Variants in NOX1 observed in about 807,000 individuals in gnomAD.
The protein encoded by NOX1 is NADH/NADPH mitogenic oxidase subunit P65-MOX.
NOX1 carries 34 observed loss-of-function variants against 42.5 expected under a neutral mutation model. That is an observed-to-expected ratio of 0.80 (90% CI 0.61 to 1.07). NOX1 has a LOEUF of 1.07. Among genes scored for constraint, NOX1 ranks in the 50% least tolerant of loss-of-function variants. NOX1 has a pLI of 0.00. For missense variants in NOX1, 408 were observed against 427.0 expected, an observed-to-expected ratio of 0.96 and a Z score of 0.39; for synonymous variants, 143 against 152.5, an observed-to-expected ratio of 0.94 and a Z score of 0.46.
intron 7 of NOX1, 21 bp downstream of exon 7, chrX:100,862,150 C>T (rs111248251): frequency 1.6e-5 from 19 of 1,207,803 alleles, no homozygotes; most frequent in African/African-American, 1.2e-4. Context: ...AAGAGTCTGT[C>T]CTTGCCCGTA....
intron 7 of NOX1, among the ~76,000 whole-genome samples, chrX:100,853,785 C>T (rs752922188): frequency 9.0e-6 from 1 of 111,465 alleles, no homozygotes; most frequent in Non-Finnish European, 1.9e-5. Context: ...ATCCACCTGC[C>T]TCAGCCTCCC....
chrX:100,848,727 T>C lies in NOX1; in HGVS notation c.1471A>G (p.Lys491Glu). The C allele has an allele frequency of 8.3e-7, 1 of 1,211,326 alleles. No homozygotes were observed. Among genetic ancestry groups the C allele is most frequent in the Non-Finnish European group, 1.1e-6 (1 of 895,006 alleles). Residue 491 changes from lysine to glutamate, a missense_variant, in exon 12 of 13, where the codon AAG (lysine) becomes GAG (glutamate). By Grantham distance (56) the Lys-to-Glu change is moderately conservative (BLOSUM62 1). Transcript: ENST00000372966. Reference protein sequence around the residue: ...IVGHAALNFDKATDIVTGLKQ... With the variant: ...IVGHAALNFDEATDIVTGLKQ... Reference sequence around the variant, plus strand: ...AGACCTGTCACGATGTCAGTGGCCTTGTCAAAGTTTAATGCTGCATGACCA... The same window carrying C: ...AGACCTGTCACGATGTCAGTGGCCTCGTCAAAGTTTAATGCTGCATGACCA...
chrX:100,860,079 A>G (rs2085193932), intron 7 of NOX1, among the ~76,000 whole-genome samples: 1 of 110,493 alleles, frequency 9.1e-6, no homozygotes, highest in Non-Finnish European at 1.9e-5. Context: ...TTCAATGCAA[A>G]TGATAGGAGA....
At chrX:100,849,723 T>C (rs746768190) in intron 10 of NOX1, 49 bp downstream of exon 10, 1 of 1,133,024 alleles carries the variant, frequency 8.8e-7, no homozygotes, top group African/African-American at 1.8e-5. Flanking sequence ...AAGAAGGCAA[T>C]AGACTTGTCA....
chrX:100,853,913 C>A (rs764296212), intron 7 of NOX1, among the ~76,000 whole-genome samples: 5 of 112,193 alleles, frequency 4.5e-5, no homozygotes, highest in Non-Finnish European at 9.4e-5. Flanking sequence ...GAAGCCAAGG[C>A]AGGTGGATCA....
At chrX:100,855,758 A>G (rs2085162621) in intron 7 of NOX1, 14 of 1,038,374 alleles carry the variant, frequency 1.3e-5, no homozygotes, top group Non-Finnish European at 1.9e-5. Context: ...CTCCACAACC[A>G]AAGTTTTCAT....
chrX:100,857,996 C>T (rs2085178979), intron 7 of NOX1, among the ~76,000 whole-genome samples: 1 of 111,477 alleles, frequency 9.0e-6, no homozygotes, highest in Non-Finnish European at 1.9e-5. Context: ...TTGCCAGGGC[C>T]TATGTCCTGA....
chrX:100,870,744 T>C lies in NOX1; in HGVS notation c.116A>G (p.Tyr39Cys). 5 of 1,189,328 alleles carry C rather than the reference T, an allele frequency of 4.2e-6. No individual in the cohort carries two copies. Among genetic ancestry groups the C allele is most frequent in the Non-Finnish European group, 5.7e-6 (5 of 876,114 alleles). The change falls in exon 2 of 13, where the codon TAC becomes TGC. Residue 39 changes from tyrosine (Y) to cysteine (C), a missense_variant. Tyr to Cys is a radical substitution (Grantham distance 194, BLOSUM62 -2). Coordinates refer to ENST00000372966, the MANE Select transcript of NOX1 (RefSeq NM_007052.5). ...CCCAAGGATTTTTCTTGTGTAGTAG[T>C]ATTTGTCGGCCTTCTCATATTTCAG... The part of the protein sequence containing the change: ...AFLKYEKADK[Y>C]YYTRKILGST...
intron 1 of NOX1, among the ~76,000 whole-genome samples, chrX:100,873,779 G>A (rs1180029389): frequency 9.0e-6 from 1 of 111,506 alleles, no homozygotes; most frequent in African/African-American, 3.3e-5. Context: ...ATCTTGATGG[G>A]ACCAGTATAG....
intron 7 of NOX1, chrX:100,856,482 C>T (rs760086201): frequency 4.1e-5 from 15 of 370,071 alleles, no homozygotes; most frequent in Admixed American, 1.5e-4. Context: ...TCTACTAGTC[C>T]GCTAATACAG....
At chrX:100,872,322 A>C (rs1186960158) in intron 1 of NOX1, among the ~76,000 whole-genome samples, 4 of 111,529 alleles carry the variant, frequency 3.6e-5, no homozygotes, top group African/African-American at 1.3e-4. Flanking sequence ...CACAGGGGCA[A>C]ATAACTGTGT....
chrX:100,848,635 G>A lies in NOX1; in HGVS notation c.1563C>T (p.His521=). 1.7e-6 allele frequency: 2 copies of A among 1,210,095 alleles called. No homozygotes were observed. The highest frequency in any genetic ancestry group is 3.0e-5 in the East Asian group (1 of 33,782). ...CTAGAGGAAAATATACTTACTTGGGGTGGGAGGTAGCTATTGTAGAAAACT... is the reference window on the plus strand; with the variant it reads ...CTAGAGGAAAATATACTTACTTGGGATGGGAGGTAGCTATTGTAGAAAACT... ...DNEFSTIATS[H]PKSVVGVFLC... Residue 521 remains histidine, a synonymous_variant, in exon 12 of 13, where the codon CAC becomes CAT. Transcript: ENST00000372966.
intron 1 of NOX1, among the ~76,000 whole-genome samples, chrX:100,873,731 A>G (rs1445706144): frequency 1.8e-5 from 2 of 112,032 alleles, no homozygotes; most frequent in African/African-American, 6.5e-5. Flanking sequence ...ATGATCTCTA[A>G]GATCACTTTC....
At chrX:100,848,825 C>A in intron 11 of NOX1, 71 bp from the exon 12 acceptor site, 2 of 1,101,097 alleles carry the variant, frequency 1.8e-6, no homozygotes, top group Non-Finnish European at 1.2e-6. Context: ...CCTGTAATCC[C>A]AATACTTTGG....
At chrX:100,863,297 C>G in intron 3 of NOX1, 54 bp from the exon 4 acceptor site, 1 of 1,025,685 alleles carries the variant, frequency 9.7e-7, no homozygotes, top group South Asian at 1.9e-5. Context: ...TTATTAAATT[C>G]ACTAACCCAT....
chrX:100,859,476 C>T (rs975522632), intron 7 of NOX1, among the ~76,000 whole-genome samples: 3 of 111,504 alleles, frequency 2.7e-5, no homozygotes, highest in African/African-American at 9.8e-5. Flanking sequence ...GGAGACCCTC[C>T]TCCTCAATTT....
At chrX:100,869,074 T>C (rs2085256729) in intron 2 of NOX1, among the ~76,000 whole-genome samples, 1 of 111,503 alleles carries the variant, frequency 9.0e-6, no homozygotes, top group South Asian at 3.8e-4. Context: ...CCTTGTAGTA[T>C]AGTTTGAAGT....
intron 2 of NOX1, among the ~76,000 whole-genome samples, chrX:100,865,731 G>A (rs1403209021): frequency 8.9e-6 from 1 of 112,678 alleles, no homozygotes; most frequent in East Asian, 2.8e-4. Flanking sequence ...CTAGCTTTTT[G>A]GGAGGAAGGG....
chrX:100,848,831 T>C lies in NOX1; in HGVS notation c.1444-77A>G, dbSNP rs1031525649. On this transcript the variant is annotated intron_variant, in intron 11 of 12. Transcript: ENST00000372966. ...TGGCTCACGCCTGTAATCCCAATAC[T>C]TTGGGAGGCCGAGGTGGGTGGATCA... 17 of 1,051,430 alleles carry C rather than the reference T, an allele frequency of 1.6e-5. No homozygotes were observed. In the African/African-American group the frequency reaches 3.0e-4, roughly 18 times the overall value. The allele number at this position is 1,051,430 out of a possible 1,213,427, so 86.6% of individuals were successfully genotyped here. A position where few individuals can be genotyped will look rare whatever the true frequency, so the allele number is the denominator to read the frequency against.
Sources: gnomAD v4.1 joint callset for allele counts (sites outside exome capture counted in the v4.1 genomes callset) on GRCh38, gnomAD v4.1.1 for gene constraint, MANE v1.5 for transcripts, NCBI Gene and HGNC (gene_info 2026-07-23, HGNC 2026-07-21) for gene names.